Variants in FHOD3 observed in about 807,000 individuals in gnomAD.
FHOD3 encodes the protein FH1/FH2 domain-containing protein 3.
Under a neutral mutation model 173.0 loss-of-function variants are expected in FHOD3, and 90 were observed. That is an observed-to-expected ratio of 0.52 (90% CI 0.44 to 0.62). The LOEUF (loss-of-function observed/expected upper bound fraction) is 0.62. Among genes scored for constraint, FHOD3 ranks in the 20% least tolerant of loss-of-function variants. The pLI is 0.00. For missense variants in FHOD3, 1,945 were observed against 2,034.7 expected (o/e 0.96, Z 0.85); for synonymous variants, 828 against 823.0 (o/e 1.01, Z -0.10).
chr18:36,434,080 T>G (rs903074506), intron 3 of FHOD3, among the ~76,000 whole-genome samples: 6 of 152,240 alleles, frequency 3.9e-5, no homozygotes, highest in Admixed American at 6.5e-5. Flanking sequence ...ATTAGATTTA[T>G]CTTTTCTAGA....
intron 1 of FHOD3, among the ~76,000 whole-genome samples, chr18:36,341,977 AATAC>A (rs2145489233): frequency 6.6e-6 from 1 of 152,364 alleles, no homozygotes; most frequent in East Asian, 1.9e-4. Context: ...AATTGTGATA[AATAC>A]ATACTAGAAA....
At chr18:36,631,593 T>C (rs534420071) in intron 10 of FHOD3, among the ~76,000 whole-genome samples, 205 of 152,260 alleles carry the variant, frequency 1.3e-3, no homozygotes, top group African/African-American at 4.8e-3. Flanking sequence ...GTGTACAAAC[T>C]CCATTTTTGC....
At chr18:36,657,156 C>T (rs915805051) in intron 13 of FHOD3, among the ~76,000 whole-genome samples, 2 of 152,158 alleles carry the variant, frequency 1.3e-5, no homozygotes, top group African/African-American at 2.4e-5. Flanking sequence ...CTTATAGTGA[C>T]TGTTGGGGTC....
intron 17 of FHOD3, among the ~76,000 whole-genome samples, chr18:36,704,951 T>G (rs2039790872): frequency 2.0e-5 from 3 of 152,172 alleles, no homozygotes; most frequent in African/African-American, 7.2e-5. Flanking sequence ...TTTCTTTTTC[T>G]CTTGAGCTCC....
chr18:36,758,171 G>A (rs1323565831), intron 25 of FHOD3, among the ~76,000 whole-genome samples: 2 of 152,316 alleles, frequency 1.3e-5, no homozygotes, highest in East Asian at 3.9e-4. Context: ...GTTGTCTCTT[G>A]TCACAATGCC....
chr18:36,328,589 C>G (rs1392659910), intron 1 of FHOD3, among the ~76,000 whole-genome samples: 1 of 152,114 alleles, frequency 6.6e-6, no homozygotes, highest in Non-Finnish European at 1.5e-5. Context: ...ACTCATACCA[C>G]AAGAGATCCC....
chr18:36,349,053 T>TGGTTTGGCCC (rs1190544266), intron 1 of FHOD3, among the ~76,000 whole-genome samples: 4 of 152,190 alleles, frequency 2.6e-5, no homozygotes, highest in African/African-American at 9.7e-5. Context: ...TGGAAAGTTC[T>TGGTTTGGCCC]GGTTTGGCCC....
At chr18:36,589,533 T>G (rs1568463253) in intron 6 of FHOD3, among the ~76,000 whole-genome samples, 1 of 152,190 alleles carries the variant, frequency 6.6e-6, no homozygotes, top group African/African-American at 2.4e-5. Flanking sequence ...AGCTGTCCTC[T>G]AAGAAAGCTC....
chr18:36,648,746 C>G (rs1004191685), intron 10 of FHOD3, among the ~76,000 whole-genome samples: 1 of 152,112 alleles, frequency 6.6e-6, no homozygotes, highest in African/African-American at 2.4e-5. Flanking sequence ...GAACTGCACC[C>G]CTGAAACACA....
chr18:36,445,798 T>C (rs2051434369), intron 3 of FHOD3, among the ~76,000 whole-genome samples: 1 of 152,192 alleles, frequency 6.6e-6, no homozygotes, highest in Non-Finnish European at 1.5e-5. Flanking sequence ...ATCATGGGCA[T>C]GTCCAGGTAG....
intron 5 of FHOD3, among the ~76,000 whole-genome samples, chr18:36,545,749 A>G (rs1056619133): frequency 2.6e-5 from 4 of 152,240 alleles, no homozygotes; most frequent in Admixed American, 6.5e-5. Flanking sequence ...AACGATACTG[A>G]TGGTTGATTT....
rs1363613018 is a variant in FHOD3 at position 36,639,738 on chromosome 18, G to A, written c.1197-9578G>A. Reference sequence around the variant, plus strand: ...CTCGGGAGGCTGAGGCAGGAGAATGGTGTGAACCTGGGAGGCGGAGCTTGC... The same window carrying A: ...CTCGGGAGGCTGAGGCAGGAGAATGATGTGAACCTGGGAGGCGGAGCTTGC... On this transcript the variant is annotated intron_variant, in intron 10 of 28. Coordinates refer to ENST00000590592, the MANE Select transcript of FHOD3 (RefSeq NM_001281740.3). Among the ~76,000 whole-genome samples, 5 of 151,732 alleles carry A rather than the reference G, an allele frequency of 3.3e-5. No individual in the cohort carries two copies. The East Asian group carries it at 7.7e-4, about 23-fold the overall frequency.
chr18:36,462,334 T>C (rs995448787), intron 3 of FHOD3, among the ~76,000 whole-genome samples: 1 of 151,880 alleles, frequency 6.6e-6, no homozygotes, highest in Admixed American at 6.6e-5. Flanking sequence ...TTTTGGTTGG[T>C]TGGTTGGTTG....
At chr18:36,719,308 C>T (rs1403551133) in intron 19 of FHOD3, among the ~76,000 whole-genome samples, 2 of 152,150 alleles carry the variant, frequency 1.3e-5, no homozygotes, top group Admixed American at 1.3e-4. Context: ...GTTTGAGAGT[C>T]CTATAGCCAC....
At chr18:36,451,586 T>C (rs1264620525) in intron 3 of FHOD3, among the ~76,000 whole-genome samples, 1 of 152,220 alleles carries the variant, frequency 6.6e-6, no homozygotes, top group African/African-American at 2.4e-5. Flanking sequence ...AGTCTGGTGA[T>C]TCCTCAGCCT....
chr18:36,436,938 C>G (rs947501853), intron 3 of FHOD3, among the ~76,000 whole-genome samples: 17 of 152,278 alleles, frequency 1.1e-4, no homozygotes, highest in African/African-American at 3.6e-4. Context: ...AGGAGTGTTG[C>G]TAAAATGAAA....
chr18:36,477,582 CCTACCTACCTACCTACCTAT>C (rs1568324581), intron 3 of FHOD3, among the ~76,000 whole-genome samples: 2 of 144,574 alleles, frequency 1.4e-5, no homozygotes, highest in South Asian at 2.3e-4. Flanking sequence ...TACCTACCTA[CCTACCTACCTACCTACCTAT>C]CTACCTATCT....
intron 14 of FHOD3, among the ~76,000 whole-genome samples, chr18:36,664,704 T>C (rs550582264): frequency 1.4e-4 from 21 of 151,830 alleles, no homozygotes; most frequent in African/African-American, 3.9e-4. Flanking sequence ...TGGTTTCCAG[T>C]TGTCACTTGC....
At chr18:36,374,300 C>T (rs184548524) in intron 3 of FHOD3, among the ~76,000 whole-genome samples, 11 of 152,248 alleles carry the variant, frequency 7.2e-5, no homozygotes, top group Non-Finnish European at 1.0e-4. Context: ...TGCTGAGCAC[C>T]GACAGCCTCT....
Sources: allele counts gnomAD v4.1 joint callset (sites outside exome capture counted in the v4.1 genomes callset), GRCh38; gene constraint gnomAD v4.1.1; transcripts MANE v1.5; gene names NCBI Gene and HGNC (gene_info 2026-07-23, HGNC 2026-07-21).